CFAP20DC: variants seen among roughly 807,000 people sequenced by gnomAD.
CFAP20DC encodes the protein CFAP20 domain containing, also known as protein CFAP20DC.
CFAP20DC carries 84 observed loss-of-function variants against 101.7 expected under a neutral mutation model. That is an observed-to-expected ratio of 0.83 (90% CI 0.69 to 0.99). The LOEUF (loss-of-function observed/expected upper bound fraction) is 0.99. CFAP20DC is among the 50% of genes least tolerant of loss of function. The pLI is 0.00. For missense variants in CFAP20DC, 1,007 were observed against 970.3 expected, an observed-to-expected ratio of 1.04 and a Z score of -0.50; for synonymous variants, 359 against 351.2, an observed-to-expected ratio of 1.02 and a Z score of -0.25.
chr3:58,803,889 TCTAA>T (rs2073875819), intron 15 of CFAP20DC, among the ~76,000 whole-genome samples: 2 of 152,266 alleles, frequency 1.3e-5, no homozygotes, highest in Non-Finnish European at 2.9e-5. Flanking sequence ...GATAATGCTG[TCTAA>T]CTGGTGAATT....
intron 5 of CFAP20DC, among the ~76,000 whole-genome samples, chr3:58,916,349 G>C (rs1169715725): frequency 6.6e-6 from 1 of 151,974 alleles, no homozygotes. Context: ...CTCTGCTTGG[G>C]AGTCAGTTCC....
intron 4 of CFAP20DC, among the ~76,000 whole-genome samples, chr3:58,960,519 A>G (rs890032744): frequency 6.6e-6 from 1 of 150,798 alleles, no homozygotes; most frequent in African/African-American, 2.4e-5. Flanking sequence ...TTCCTATTTT[A>G]TTTTTTTGAT....
chr3:58,749,094 A>C (rs528226086), intron 16 of CFAP20DC, among the ~76,000 whole-genome samples: 35 of 152,312 alleles, frequency 2.3e-4, no homozygotes, highest in African/African-American at 7.9e-4. Flanking sequence ...ATCTGAAATA[A>C]ATCTTCGAGG....
Position 58,722,834 on chromosome 3 carries a change from A to G in CFAP20DC, c.198-5206T>C, listed in dbSNP as rs1344595691. Among the ~76,000 whole-genome samples, 1 of 152,208 alleles carries G rather than the reference A, an allele frequency of 6.6e-6. No individual in the cohort carries two copies. Among genetic ancestry groups the G allele is most frequent in the Non-Finnish European group, 1.5e-5 (1 of 68,038 alleles). The stretch of plus-strand genomic sequence containing the variant: ...TTTGGATTCAGTGTCAGCAGAATAT[A>G]GCAGCTGCCTCCCAGCAGAACTGTC... On this transcript the variant is annotated intron_variant, in intron 3 of 3. Coordinates refer to the CFAP20DC transcript ENST00000486145. The surrounding 1 kb of genome is among the most constrained non-coding windows in gnomAD (Gnocchi z 4.5).
chr3:58,891,624 C>T (rs1435921233), intron 6 of CFAP20DC, among the ~76,000 whole-genome samples: 1 of 151,956 alleles, frequency 6.6e-6, no homozygotes, highest in Non-Finnish European at 1.5e-5. Context: ...AGTGTCTGTT[C>T]ATGTCCTTTG....
At chr3:58,831,077 A>G (rs985888175) in intron 14 of CFAP20DC, among the ~76,000 whole-genome samples, 2 of 152,166 alleles carry the variant, frequency 1.3e-5, no homozygotes, top group African/African-American at 4.8e-5. Flanking sequence ...CACCTGAAAA[A>G]CAGGAAGACT....
Position 58,914,006 on chromosome 3 carries a change from T to G in CFAP20DC, c.394-142A>C. 2.5e-6 allele frequency: 2 copies of G among 814,998 alleles called. No homozygotes were observed. The highest frequency in any genetic ancestry group is 3.0e-4 in the Middle Eastern group (1 of 3,358). The allele number at this position is 814,998 out of a possible 1,614,324, so 50.5% of individuals were successfully genotyped here. A position where few individuals can be genotyped will look rare whatever the true frequency, so the allele number is the denominator to read the frequency against. Reference sequence around the variant, plus strand: ...AACTAATTTTCCTCTTTAGGTAAACTTATCTCTGTTTTGGCTTAAAAACTG... The same window carrying G: ...AACTAATTTTCCTCTTTAGGTAAACGTATCTCTGTTTTGGCTTAAAAACTG... On this transcript the variant is annotated intron_variant, in intron 5 of 16. Transcript: ENST00000482387. The surrounding 1 kb of genome is among the most constrained non-coding windows in gnomAD (Gnocchi z 4.9).
intron 6 of CFAP20DC, among the ~76,000 whole-genome samples, chr3:58,891,500 T>A (rs2106824407): frequency 6.6e-6 from 1 of 152,042 alleles, no homozygotes; most frequent in South Asian, 2.1e-4. Context: ...TAGTGGCCGT[T>A]CTGACTGGTG....
At chr3:58,829,557 T>A (rs537514734) in intron 14 of CFAP20DC, among the ~76,000 whole-genome samples, 1 of 152,230 alleles carries the variant, frequency 6.6e-6, no homozygotes, top group East Asian at 1.9e-4. Flanking sequence ...ATAGACTGAC[T>A]CTGATGCAAT....
intron 12 of CFAP20DC, among the ~76,000 whole-genome samples, chr3:58,851,757 T>G (rs1036002183): frequency 5.9e-5 from 9 of 151,862 alleles, no homozygotes; most frequent in Non-Finnish European, 1.3e-4. Flanking sequence ...AAAAAAAACA[T>G]GCCTCTTAAA....
At chr3:58,748,700 T>C (rs868179899) in intron 16 of CFAP20DC, among the ~76,000 whole-genome samples, 5 of 152,288 alleles carry the variant, frequency 3.3e-5, no homozygotes, top group South Asian at 4.1e-4. Flanking sequence ...GTAAACACTA[T>C]TTTATCCAGA....
chr3:58,902,167 TA>T (rs201019488), intron 6 of CFAP20DC, among the ~76,000 whole-genome samples: 3,246 of 152,316 alleles, frequency 0.021, 97 homozygotes, highest in African/African-American at 0.073. Flanking sequence ...CTGTAATACA[TA>T]CATCATTTTT....
At chr3:59,042,183 T>A (rs1448396015) in intron 3 of CFAP20DC, among the ~76,000 whole-genome samples, 1 of 151,934 alleles carries the variant, frequency 6.6e-6, no homozygotes, top group Non-Finnish European at 1.5e-5. Context: ...CAAACGTTGC[T>A]GGCAGAGGGA....
chr3:59,044,714 G>A (rs1699701159), intron 3 of CFAP20DC, among the ~76,000 whole-genome samples: 1 of 151,928 alleles, frequency 6.6e-6, no homozygotes, highest in East Asian at 1.9e-4. Flanking sequence ...AGGTAACCAT[G>A]TGCATACATA....
chr3:58,953,870 C>T (rs1305224774), intron 4 of CFAP20DC: 2 of 152,076 alleles, frequency 1.3e-5, no homozygotes, highest in Non-Finnish European at 2.9e-5. Flanking sequence ...TCCTCTTGTA[C>T]TTAAGGATTC....
chr3:58,758,493 T>A (rs1322630436), intron 15 of CFAP20DC, among the ~76,000 whole-genome samples: 1 of 152,140 alleles, frequency 6.6e-6, no homozygotes, highest in African/African-American at 2.4e-5. Context: ...CCCCTTGGAC[T>A]TGATACTCTG....
intron 6 of CFAP20DC, among the ~76,000 whole-genome samples, chr3:58,911,260 T>C (rs187982679): frequency 1.7e-4 from 26 of 152,276 alleles, no homozygotes; most frequent in African/African-American, 5.8e-4. Flanking sequence ...TTCAATAGCA[T>C]ACTATACAGT....
chr3:58,781,754 C>T (rs998396608), intron 15 of CFAP20DC, among the ~76,000 whole-genome samples: 2 of 151,978 alleles, frequency 1.3e-5, no homozygotes, highest in African/African-American at 4.8e-5. Context: ...GAAACCTGAA[C>T]AGAACAATAA....
intron 3 of CFAP20DC, among the ~76,000 whole-genome samples, chr3:58,723,761 C>T (rs1399197047): frequency 6.6e-6 from 1 of 152,132 alleles, no homozygotes; most frequent in African/African-American, 2.4e-5. Flanking sequence ...CCCCTTAGGG[C>T]TAGTAAGAGG....
Sources: gnomAD v4.1 joint callset for allele counts (sites outside exome capture counted in the v4.1 genomes callset) on GRCh38, gnomAD v4.1.1 for gene constraint, Gnocchi (gnomAD v3.1) non-coding constraint, MANE v1.5 for transcripts, NCBI Gene and HGNC (gene_info 2026-07-23, HGNC 2026-07-21) for gene names.